Variants in ALPK2 observed in about 807,000 individuals in gnomAD.
ALPK2 encodes the protein alpha kinase 2.
A neutral mutation model predicts 163.1 loss-of-function variants in ALPK2; 127 were observed. The observed-to-expected ratio is 0.78, with a 90% CI of 0.67 to 0.90. The LOEUF (loss-of-function observed/expected upper bound fraction) is 0.90, where lower values mean the gene tolerates loss of function less well. Among genes scored for constraint, ALPK2 ranks in the 40% least tolerant of loss-of-function variants. The probability of loss-of-function intolerance (pLI) is 0.00; values close to 1 mark genes in which losing one functional copy is unlikely to be tolerated. For missense variants in ALPK2, 2,360 were observed against 2,589.6 expected (o/e 0.91, Z 1.92); for synonymous variants, 953 against 959.1 (o/e 0.99, Z 0.12).
intron 4 of ALPK2, among the ~76,000 whole-genome samples, chr18:58,572,913 A>T (rs2051893301): frequency 6.6e-6 from 1 of 152,214 alleles, no homozygotes. Flanking sequence ...CAATGTCAAT[A>T]TCCTGGTTAT....
chr18:58,578,605 CT>C (rs932269930), intron 4 of ALPK2: 22 of 516,232 alleles, frequency 4.3e-5, no homozygotes, highest in Non-Finnish European at 4.3e-5. Context: ...TTATCTGGGC[CT>C]TTTTTTCAAA....
intron 5 of ALPK2, among the ~76,000 whole-genome samples, chr18:58,530,021 G>T (rs950405737): frequency 1.3e-5 from 2 of 152,244 alleles, no homozygotes; most frequent in African/African-American, 4.8e-5. Flanking sequence ...GATTACTGCA[G>T]ATGTGTGAGT....
intron 3 of ALPK2, among the ~76,000 whole-genome samples, chr18:58,592,816 G>A (rs938053764): frequency 5.3e-5 from 8 of 152,214 alleles, no homozygotes; most frequent in South Asian, 2.1e-4. Flanking sequence ...CATCTGCTCC[G>A]CAGCGTTGGA....
At chr18:58,592,283 CAG>C (rs1308941667) in intron 3 of ALPK2, among the ~76,000 whole-genome samples, 2 of 152,104 alleles carry the variant, frequency 1.3e-5, no homozygotes, top group Non-Finnish European at 2.9e-5. Context: ...GGGTATTAAA[CAG>C]GGAGCAGTAC....
chr18:58,509,119 A>G (rs996561434), intron 10 of ALPK2, among the ~76,000 whole-genome samples: 17 of 145,000 alleles, frequency 1.2e-4, no homozygotes, highest in Non-Finnish European at 2.2e-4. Flanking sequence ...CCAACTATGA[A>G]TGAGAACATG....
At chr18:58,554,623 G>A (rs752761492) in intron 4 of ALPK2, among the ~76,000 whole-genome samples, 3 of 152,214 alleles carry the variant, frequency 2.0e-5, no homozygotes, top group Admixed American at 6.5e-5. Context: ...AGATCAGTGT[G>A]TCTTGTGCTT....
chr18:58,607,501 ACC>A, intron 2 of ALPK2, 62 bp from the exon 3 acceptor site: 12 of 1,086,314 alleles, frequency 1.1e-5, no homozygotes, highest in East Asian at 2.5e-5. Context: ...AAAAAAAAAA[ACC>A]CATAAAGCTA....
chr18:58,521,816 C>T (rs960259922), intron 8 of ALPK2, among the ~76,000 whole-genome samples: 18 of 151,550 alleles, frequency 1.2e-4, no homozygotes, highest in Middle Eastern at 3.4e-3. Flanking sequence ...TTAGTAGAGA[C>T]GGGGTTTCAC....
At chr18:58,550,817 T>A (rs1367336139) in intron 4 of ALPK2, among the ~76,000 whole-genome samples, 19 of 141,866 alleles carry the variant, frequency 1.3e-4, no homozygotes, top group African/African-American at 4.5e-4. Flanking sequence ...CTCATCCCTA[T>A]CTCCATCATA....
At chr18:58,491,459 A>G (rs1412144847) in intron 12 of ALPK2, among the ~76,000 whole-genome samples, 3 of 152,344 alleles carry the variant, frequency 2.0e-5, no homozygotes, top group East Asian at 3.9e-4. Context: ...GTAAAACCTA[A>G]GCCTGGTGCT....
At chr18:58,623,901 A>C (rs2052215357) in intron 1 of ALPK2, among the ~76,000 whole-genome samples, 2 of 152,172 alleles carry the variant, frequency 1.3e-5, no homozygotes, top group Admixed American at 1.3e-4. Flanking sequence ...TAATATCCTA[A>C]ATCTTTAAAG....
chr18:58,491,811 C>T (rs35547576), intron 12 of ALPK2, among the ~76,000 whole-genome samples: 7 of 152,110 alleles, frequency 4.6e-5, no homozygotes, highest in Admixed American at 2.0e-4. Context: ...ACTTGTGGGG[C>T]GGTTACAGGA....
intron 1 of ALPK2, among the ~76,000 whole-genome samples, chr18:58,614,528 T>C (rs1376101474): frequency 6.6e-6 from 1 of 152,234 alleles, no homozygotes; most frequent in Non-Finnish European, 1.5e-5. Flanking sequence ...ATCTGCTAGA[T>C]AGCAAATAAA....
chr18:58,620,060 G>A (rs2052190189), intron 1 of ALPK2, among the ~76,000 whole-genome samples: 1 of 152,240 alleles, frequency 6.6e-6, no homozygotes, highest in Non-Finnish European at 1.5e-5. Flanking sequence ...GGAGGCTGAG[G>A]TGGGCAGATC....
intron 12 of ALPK2, among the ~76,000 whole-genome samples, chr18:58,486,430 CG>C (rs1291936456): frequency 6.6e-6 from 1 of 152,182 alleles, no homozygotes; most frequent in Non-Finnish European, 1.5e-5. Flanking sequence ...GGGGTGTATG[CG>C]CCCCATCTTC....
intron 4 of ALPK2, among the ~76,000 whole-genome samples, chr18:58,575,081 C>T (rs34417371): frequency 0.16 from 24,309 of 151,702 alleles, 2,153 homozygotes; most frequent in African/African-American, 0.22. Flanking sequence ...GGCATGGTGG[C>T]CCATGTCTGT....
chr18:58,539,065 C>G (rs1460286705), intron 4 of ALPK2, among the ~76,000 whole-genome samples: 1 of 152,198 alleles, frequency 6.6e-6, no homozygotes, highest in African/African-American at 2.4e-5. Context: ...TCTTGATAAA[C>G]TACCCAATCT....
intron 10 of ALPK2, among the ~76,000 whole-genome samples, chr18:58,514,367 CT>C (rs1373604016): frequency 1.3e-5 from 2 of 152,156 alleles, no homozygotes; most frequent in East Asian, 3.9e-4. Context: ...TAGCTAAGCC[CT>C]TTTTCTGTCC....
intron 2 of ALPK2, among the ~76,000 whole-genome samples, chr18:58,608,141 A>C (rs1368491989): frequency 6.6e-6 from 1 of 152,158 alleles, no homozygotes; most frequent in Non-Finnish European, 1.5e-5. Flanking sequence ...TACCTTTTTG[A>C]AAATTATACT....
Sources: gnomAD v4.1 joint callset for allele counts (sites outside exome capture counted in the v4.1 genomes callset) on GRCh38, gnomAD v4.1.1 for gene constraint, MANE v1.5 for transcripts, NCBI Gene and HGNC (gene_info 2026-07-23, HGNC 2026-07-21) for gene names.